FBRSL1: variants seen among roughly 807,000 people sequenced by gnomAD.
FBRSL1 encodes the protein fibrosin like 1.
FBRSL1 carries 51 observed loss-of-function variants against 89.6 expected under a neutral mutation model. That is an observed-to-expected ratio of 0.57 (90% CI 0.45 to 0.72). FBRSL1 has a LOEUF of 0.72. FBRSL1 is among the 30% of genes least tolerant of loss of function. FBRSL1 has a pLI of 0.00. For missense variants in FBRSL1, 1,618 were observed against 1,451.8 expected (o/e 1.11, Z -1.86); for synonymous variants, 779 against 681.1 (o/e 1.14, Z -2.24).
intron 5 of FBRSL1, among the ~76,000 whole-genome samples, chr12:132,562,043 C>T: frequency 6.6e-6 from 1 of 152,190 alleles, no homozygotes; most frequent in Non-Finnish European, 1.5e-5. Flanking sequence ...GGACTCCTCC[C>T]TGCCCACCTG....
chr12:132,519,721 C>G (rs1381360430), intron 2 of FBRSL1, among the ~76,000 whole-genome samples: 2 of 152,126 alleles, frequency 1.3e-5, no homozygotes, highest in African/African-American at 4.8e-5. Flanking sequence ...CCAGTCTGGC[C>G]AAGATGGTGA....
intron 13 of FBRSL1, 44 bp downstream of exon 13, chr12:132,574,392 T>G (rs1593572606): frequency 6.5e-7 from 1 of 1,549,438 alleles, no homozygotes; most frequent in Non-Finnish European, 8.7e-7. Flanking sequence ...AGGACTCTGG[T>G]GCCCCCGGGG....
rs2033936164 is a variant in FBRSL1, at chr12:132,508,363, C to T, written c.489+13C>T. 2 of 1,277,510 alleles carry T rather than the reference C, an allele frequency of 1.6e-6. No individual in the cohort carries two copies. The highest frequency in any genetic ancestry group is 2.2e-6 in the Non-Finnish European group (2 of 925,486). The allele number at this position is 1,277,510 out of a possible 1,614,324, so 79.1% of individuals were successfully genotyped here. A position where few individuals can be genotyped will look rare whatever the true frequency, so the allele number is the denominator to read the frequency against. ...GCCCTCCAAGCAGGTGAGCAGGTCC[C>T]TCCCCGACCGGAAGCTCTGCGGCGG... On this transcript the variant is annotated intron_variant, in intron 2 of 18. Coordinates refer to ENST00000680143, the MANE Select transcript of FBRSL1 (RefSeq NM_001367871.1).
intron 2 of FBRSL1, among the ~76,000 whole-genome samples, chr12:132,518,196 A>G (rs1375878314): frequency 2.0e-5 from 3 of 152,260 alleles, no homozygotes; most frequent in Admixed American, 1.3e-4. Flanking sequence ...AGCATCCCTC[A>G]TATCATCTGT....
chr12:132,521,675 G>A (rs550047277), intron 2 of FBRSL1, among the ~76,000 whole-genome samples: 3 of 152,304 alleles, frequency 2.0e-5, no homozygotes, highest in Admixed American at 6.5e-5. Flanking sequence ...GGTGTGATCC[G>A]ATTGGTGTGA....
intron 5 of FBRSL1, chr12:132,566,389 C>CA (rs1294586542): frequency 2.2e-5 from 3 of 137,780 alleles, no homozygotes; most frequent in Non-Finnish European, 4.6e-5. Context: ...ATCCACAACT[C>CA]AATGAAGCTG....
In FBRSL1 at chr12:132,583,073, C is replaced by A; in HGVS notation, c.2304C>A (p.Gly768=). 1 of 1,445,654 alleles carries A rather than the reference C, an allele frequency of 6.9e-7. No homozygotes were observed. The highest frequency in any genetic ancestry group is 9.1e-7 in the Non-Finnish European group (1 of 1,104,456). 89.6% of individuals were successfully genotyped at this position (1,445,654 alleles called of 1,614,324 possible). A position where few individuals can be genotyped will look rare whatever the true frequency, so the allele number is the denominator to read the frequency against. The part of the protein sequence containing the change: ...GLLLRAQSEL[G]RSGAPAEREA... ...TGCTCCGGGCCCAGAGCGAGCTGGG[C>A]CGGTCCGGGGCCCCCGCGGAGCGCG... The change falls in exon 19 of 19, where the codon GGC becomes GGA. Residue 768 remains glycine (G), a synonymous_variant. Coordinates refer to ENST00000680143, the MANE Select transcript of FBRSL1 (RefSeq NM_001367871.1).
rs1034217058 is a variant in FBRSL1, at chr12:132,570,349, C to T, written c.1022C>T (p.Ala341Val). 1.3e-6 allele frequency: 2 copies of T among 1,530,742 alleles called. No individual in the cohort carries two copies. The highest frequency in any genetic ancestry group is 1.7e-6 in the Non-Finnish European group (2 of 1,144,056). The allele number at this position is 1,530,742 out of a possible 1,614,324, so 94.8% of individuals were successfully genotyped here. The change falls in exon 8 of 19, where the codon GCC becomes GTC. Residue 341 changes from alanine (A) to valine (V), a missense_variant. Physicochemically the swap from Ala to Val is moderately conservative, Grantham distance 64 (BLOSUM62 0). Transcript: ENST00000680143. ...GLHGLSRSSS[A>V]PLGLGKHVSL... is the part of the protein sequence containing the mutation. ...GTGTCCCGCAGCAGGAGCAGCAGCG[C>T]CCCCCTGGGCCTGGGGAAGCACGTG... is the stretch of plus-strand genomic sequence containing the variant.
rs3751314 is a variant in FBRSL1 at position 132,570,146 on chromosome 12, G to A, written c.912G>A (p.Pro304=). The A allele has an allele frequency of 0.014, 21,364 of 1,478,174 alleles. 519 individuals are homozygous for A. The highest frequency in any genetic ancestry group is 0.14 in the East Asian group (5,133 of 36,354). 91.6% of individuals were successfully genotyped at this position (1,478,174 alleles called of 1,614,324 possible). Residue 304 remains proline (P), a synonymous_variant, in exon 7 of 19, where the codon CCG becomes CCA. Coordinates refer to ENST00000680143, the MANE Select transcript of FBRSL1 (RefSeq NM_001367871.1). The part of the protein sequence containing the change: ...PHRHTPQPPP[P]QPRGLLPTHV... ...GCCACACCCCGCAGCCGCCACCCCC[G>A]CAGCCCCGCGGCCTGCTCCCGACAC...
At chr12:132,515,636 A>T (rs2136724941) in intron 2 of FBRSL1, among the ~76,000 whole-genome samples, 1 of 152,256 alleles carries the variant, frequency 6.6e-6, no homozygotes, top group Middle Eastern at 3.4e-3. Flanking sequence ...GCGGTGGCTC[A>T]CGCCTGTAAT....
chr12:132,562,651 C>T (rs1041620141), intron 5 of FBRSL1, among the ~76,000 whole-genome samples: 1 of 106,872 alleles, frequency 9.4e-6, no homozygotes, highest in Non-Finnish European at 1.9e-5. Context: ...AGCTGCACCG[C>T]AGCCCTTTAA....
intron 5 of FBRSL1, chr12:132,559,959 C>A: frequency 6.8e-6 from 1 of 147,874 alleles, no homozygotes; most frequent in South Asian, 1.8e-4. Context: ...TCCCGCCTCC[C>A]GCGCGCCCAG....
At chr12:132,509,526 G>A (rs2034081483) in intron 2 of FBRSL1, 1 of 1,234,844 alleles carries the variant, frequency 8.1e-7, no homozygotes, top group South Asian at 4.1e-5. Flanking sequence ...GGCACTCCCA[G>A]GCCCCAGGCA....
chr12:132,577,450 A>C (rs1308614444), intron 15 of FBRSL1, among the ~76,000 whole-genome samples: 1 of 152,068 alleles, frequency 6.6e-6, no homozygotes, highest in Non-Finnish European at 1.5e-5. Context: ...CCCACACCCC[A>C]GTGCCCCTTC....
chr12:132,577,679 C>T (rs779706010), intron 15 of FBRSL1, among the ~76,000 whole-genome samples: 7 of 152,116 alleles, frequency 4.6e-5, no homozygotes, highest in Non-Finnish European at 8.8e-5. Context: ...TGACCACACC[C>T]GAGTGTCATC....
At chr12:132,558,183 G>A (rs2038830639) in intron 5 of FBRSL1, among the ~76,000 whole-genome samples, 1 of 152,134 alleles carries the variant, frequency 6.6e-6, no homozygotes. Context: ...CCTTAACCCT[G>A]ACTTATCCCT....
At chr12:132,510,335 G>C in intron 2 of FBRSL1, 1 of 1,230,632 alleles carries the variant, frequency 8.1e-7, no homozygotes, top group East Asian at 3.2e-5. Context: ...GTCAGCCCCG[G>C]CTCTCGCTCC....
chr12:132,536,046 G>C (rs1331415039), intron 4 of FBRSL1, among the ~76,000 whole-genome samples: 1 of 151,902 alleles, frequency 6.6e-6, no homozygotes, highest in Non-Finnish European at 1.5e-5. Context: ...GTACATGACA[G>C]TGTGTGTGCC....
chr12:132,565,535 A>ATACGTACCCGAGTGTGCTCACGT (rs2039548284), intron 5 of FBRSL1: 2 of 152,072 alleles, frequency 1.3e-5, no homozygotes, highest in African/African-American at 4.8e-5. Flanking sequence ...GTGCTCATGT[A>ATACGTACCCGAGTGTGCTCACGT]CACGTACCCG....
Sources: allele counts gnomAD v4.1 joint callset (sites outside exome capture counted in the v4.1 genomes callset), GRCh38; gene constraint gnomAD v4.1.1; transcripts MANE v1.5; gene names NCBI Gene and HGNC (gene_info 2026-07-23, HGNC 2026-07-21).